The following FAM162B variants were observed in gnomAD, a reference collection of about 807,000 sequenced individuals.
The protein encoded by FAM162B is protein FAM162B.
Under a neutral mutation model 20.0 loss-of-function variants are expected in FAM162B, and 16 were observed. The ratio of observed to expected loss-of-function variants is 0.80; its 90% CI spans 0.54 to 1.21. The LOEUF is 1.21. Among genes scored for constraint, FAM162B ranks in the 50% most tolerant of loss-of-function variants. The probability of loss-of-function intolerance (pLI) is 0.00; values close to 1 mark genes in which losing one functional copy is unlikely to be tolerated. For missense variants in FAM162B, 260 were observed against 227.5 expected (o/e 1.14, Z -0.92); for synonymous variants, 83 against 89.7 (o/e 0.93, Z 0.42).
rs569615377 is a variant in FAM162B at position 116,752,685 on chromosome 6, C to G, written c.401G>C (p.Arg134Pro). The change falls in exon 4 of 4, where the codon CGA (arginine) becomes CCA (proline). Residue 134 changes from arginine (R) to proline (P), a missense_variant. Arg to Pro is a moderately radical substitution (Grantham distance 103). Transcript: ENST00000368557. ...VIVSAKRAVE[R>P]HESLTSWNLA... ...GTTCCAACTTGTTAAGGATTCATGT[C>G]GTTCTACAGCCTGTGGGGGGGAAGA... is the stretch of plus-strand genomic sequence containing the variant. 26 of 1,547,916 alleles carry G rather than the reference C, an allele frequency of 1.7e-5. No homozygotes were observed. The highest frequency in any genetic ancestry group is 2.2e-5 in the Non-Finnish European group (25 of 1,145,530).
intron 3 of FAM162B, among the ~76,000 whole-genome samples, chr6:116,761,644 ACACT>A (rs1318965244): frequency 2.5e-5 from 3 of 119,166 alleles, no homozygotes; most frequent in Non-Finnish European, 5.2e-5. Flanking sequence ...ACATATATAT[ACACT>A]TATATATATA....
At chr6:116,754,043 TA>T (rs1780024810) in intron 3 of FAM162B, among the ~76,000 whole-genome samples, 1 of 152,164 alleles carries the variant, frequency 6.6e-6, no homozygotes, top group African/African-American at 2.4e-5. Context: ...CAACAAAGGG[TA>T]AGTGAAAAAT....
intron 3 of FAM162B, among the ~76,000 whole-genome samples, chr6:116,757,003 T>TTAAA (rs1780059022): frequency 6.6e-6 from 1 of 152,224 alleles, no homozygotes; most frequent in Non-Finnish European, 1.5e-5. Flanking sequence ...CGTCTTTAAA[T>TTAAA]ACTTATATGG....
chr6:116,765,299 G>A (rs574166981), intron 1 of FAM162B, 44 bp from the exon 2 acceptor site: 11 of 1,597,740 alleles, frequency 6.9e-6, no homozygotes, highest in Middle Eastern at 1.7e-4. Context: ...CTGACGCACC[G>A]GCACAGAGGA....
chr6:116,760,457 T>C (rs1167949104), intron 3 of FAM162B, among the ~76,000 whole-genome samples: 1 of 152,246 alleles, frequency 6.6e-6, no homozygotes, highest in Admixed American at 6.5e-5. Flanking sequence ...TTGGTCTTAA[T>C]GTCTCATTTG....
chr6:116,754,893 G>T (rs539292230), intron 3 of FAM162B, among the ~76,000 whole-genome samples: 1 of 151,954 alleles, frequency 6.6e-6, no homozygotes, highest in African/African-American at 2.4e-5. Context: ...TGTTACTATT[G>T]TACTTATTTT....
intron 3 of FAM162B, 93 bp downstream of exon 3, chr6:116,761,884 A>C: frequency 1.2e-6 from 1 of 841,382 alleles, no homozygotes; most frequent in Admixed American, 2.5e-5. Flanking sequence ...CTAAGGAGGT[A>C]CTCACCCTTT....
chr6:116,759,597 G>A (rs562118109), intron 3 of FAM162B, among the ~76,000 whole-genome samples: 18 of 151,964 alleles, frequency 1.2e-4, no homozygotes, highest in Admixed American at 2.0e-4. Flanking sequence ...GTGAGCCACC[G>A]CGCCCGGCCT....
At chr6:116,763,778 T>A (rs1423421645) in intron 2 of FAM162B, among the ~76,000 whole-genome samples, 1 of 117,502 alleles carries the variant, frequency 8.5e-6, no homozygotes, top group Non-Finnish European at 1.9e-5. Context: ...TTATTTTAAT[T>A]TTTTTTTTTT....
At chr6:116,754,198 A>G (rs1780027021) in intron 3 of FAM162B, among the ~76,000 whole-genome samples, 1 of 152,326 alleles carries the variant, frequency 6.6e-6, no homozygotes, top group African/African-American at 2.4e-5. Flanking sequence ...GTGGCTTTGA[A>G]GTGCAGGGAG....
At chr6:116,762,668 CAAT>C (rs2114553192) in intron 2 of FAM162B, among the ~76,000 whole-genome samples, 1 of 152,054 alleles carries the variant, frequency 6.6e-6, no homozygotes, top group East Asian at 1.9e-4. Flanking sequence ...ATCAAAATCA[CAAT>C]AATTTGCCGA....
intron 3 of FAM162B, among the ~76,000 whole-genome samples, chr6:116,761,733 TAC>T (rs572093016): frequency 0.01 from 1,425 of 139,402 alleles, 8 homozygotes; most frequent in Non-Finnish European, 0.016. Context: ...TACTTATATA[TAC>T]ACACACACAC....
chr6:116,760,310 G>T (rs1780125499), intron 3 of FAM162B, among the ~76,000 whole-genome samples: 1 of 152,068 alleles, frequency 6.6e-6, no homozygotes, highest in African/African-American at 2.4e-5. Context: ...ATTTATAATA[G>T]AATTATATTT....
intron 3 of FAM162B, among the ~76,000 whole-genome samples, chr6:116,756,089 AT>A (rs1283696271): frequency 1.3e-5 from 2 of 152,198 alleles, no homozygotes; most frequent in African/African-American, 4.8e-5. Flanking sequence ...TAAGAAACAC[AT>A]TTTGTAAGGC....
intron 3 of FAM162B, among the ~76,000 whole-genome samples, chr6:116,758,806 A>G (rs1165407260): frequency 6.6e-6 from 1 of 152,194 alleles, no homozygotes; most frequent in Non-Finnish European, 1.5e-5. Context: ...CCACTCATAT[A>G]CAGAGTCACT....
intron 3 of FAM162B, among the ~76,000 whole-genome samples, chr6:116,754,746 C>T (rs1408553353): frequency 6.6e-6 from 1 of 151,920 alleles, no homozygotes; most frequent in Non-Finnish European, 1.5e-5. Flanking sequence ...TTGCATGGAA[C>T]AAGTCTATAG....
At chr6:116,764,383 T>TA (rs1372121252) in intron 2 of FAM162B, among the ~76,000 whole-genome samples, 10 of 152,234 alleles carry the variant, frequency 6.6e-5, no homozygotes, top group African/African-American at 2.4e-4. Flanking sequence ...CAATCCCTTG[T>TA]AAAAATGCTG....
chr6:116,763,446 C>T (rs998551807), intron 2 of FAM162B, among the ~76,000 whole-genome samples: 1 of 152,066 alleles, frequency 6.6e-6, no homozygotes, highest in Non-Finnish European at 1.5e-5. Flanking sequence ...AATAGTAATG[C>T]TTAAAAAGTT....
Position 116,752,686 on chromosome 6 carries a change from G to C in FAM162B, c.400C>G (p.Arg134Gly). Reference sequence around the variant, plus strand: ...TTCCAACTTGTTAAGGATTCATGTCGTTCTACAGCCTGTGGGGGGGAAGAA... The same window carrying C: ...TTCCAACTTGTTAAGGATTCATGTCCTTCTACAGCCTGTGGGGGGGAAGAA... ...VIVSAKRAVE[R>G]HESLTSWNLA... is the part of the protein sequence containing the mutation. Residue 134 changes from arginine to glycine, a missense_variant, in exon 4 of 4, where the codon CGA (arginine) becomes GGA (glycine). By Grantham distance (125) the Arg-to-Gly change is moderately radical. Transcript: ENST00000368557. 1 of 1,540,574 alleles carries C rather than the reference G, an allele frequency of 6.5e-7. No homozygotes were observed. Among genetic ancestry groups the C allele is most frequent in the Non-Finnish European group, 8.8e-7 (1 of 1,141,266 alleles).
Sources: gnomAD v4.1 joint callset for allele counts (sites outside exome capture counted in the v4.1 genomes callset) on GRCh38, gnomAD v4.1.1 for gene constraint, MANE v1.5 for transcripts, NCBI Gene and HGNC (gene_info 2026-07-23, HGNC 2026-07-21) for gene names.